Variants in ZBTB16 observed in about 807,000 individuals in gnomAD.
ZBTB16 encodes zinc finger and BTB domain-containing protein 16.
Under a neutral mutation model 56.8 loss-of-function variants are expected in ZBTB16, and 8 were observed. That is an observed-to-expected ratio of 0.14 (90% CI 0.08 to 0.25). The LOEUF (loss-of-function observed/expected upper bound fraction) is 0.25. ZBTB16 is among the 10% of genes least tolerant of loss of function. ZBTB16 has a pLI of 1.00. For synonymous variants in ZBTB16, 363 were observed against 368.5 expected, an observed-to-expected ratio of 0.98 and a Z score of 0.17; for missense variants, 625 against 903.0, an observed-to-expected ratio of 0.69 and a Z score of 3.95.
At chr11:114,207,608 C>G (rs1225113774) in intron 4 of ZBTB16, among the ~76,000 whole-genome samples, 3 of 151,848 alleles carry the variant, frequency 2.0e-5, no homozygotes, top group Admixed American at 1.3e-4. Context: ...CACACACACA[C>G]ACACACACAC....
intron 4 of ZBTB16, among the ~76,000 whole-genome samples, chr11:114,227,692 C>G (rs1253575118): frequency 6.6e-6 from 1 of 152,080 alleles, no homozygotes; most frequent in African/African-American, 2.4e-5. Flanking sequence ...TTGCAAGGCC[C>G]CATACTCCCT....
chr11:114,114,904 A>G (rs2137788798), intron 2 of ZBTB16, among the ~76,000 whole-genome samples: 1 of 152,094 alleles, frequency 6.6e-6, no homozygotes, highest in East Asian at 1.9e-4. Flanking sequence ...GCTGGTCTCG[A>G]ACTCCTGAGT....
chr11:114,116,136 T>C (rs1941167031), intron 2 of ZBTB16, among the ~76,000 whole-genome samples: 1 of 152,206 alleles, frequency 6.6e-6, no homozygotes, highest in African/African-American at 2.4e-5. Flanking sequence ...GAAATAAGAA[T>C]ATGGGTACAT....
intron 2 of ZBTB16, among the ~76,000 whole-genome samples, chr11:114,144,177 GACAC>G (rs56679355): frequency 0.051 from 7,367 of 144,968 alleles, 215 homozygotes; most frequent in African/African-American, 0.078. Context: ...GTGTTTGCCA[GACAC>G]ACACACACAC....
chr11:114,223,894 A>G (rs567501108), intron 4 of ZBTB16, among the ~76,000 whole-genome samples: 1 of 152,320 alleles, frequency 6.6e-6, no homozygotes, highest in Non-Finnish European at 1.5e-5. Context: ...GAGTCAAGGT[A>G]GGTAAATGTC....
rs377093990 is a variant in ZBTB16, at chr11:114,252,780, C to G, written c.*2225C>G. 2.3e-4 allele frequency among the ~76,000 whole-genome samples: 35 copies of G among 152,158 alleles called. No individual in the cohort carries two copies. The highest frequency in any genetic ancestry group is 3.4e-3 in the Middle Eastern group (1 of 294). ...GAGGGATGGGTGCTGCTGCGACGAC[C>G]CCCCCGTCCCTCGGCCCCAGCCCTC... On this transcript the variant is annotated 3_prime_UTR_variant, in exon 7 of 7. Transcript: ENST00000335953.
chr11:114,174,645 A>G (rs2135021665), intron 3 of ZBTB16, among the ~76,000 whole-genome samples: 1 of 152,344 alleles, frequency 6.6e-6, no homozygotes, highest in African/African-American at 2.4e-5. Context: ...TCTCTAGGTA[A>G]TATTTCAACA....
chr11:114,160,743 G>A (rs1283418837), intron 3 of ZBTB16, among the ~76,000 whole-genome samples: 2 of 152,218 alleles, frequency 1.3e-5, no homozygotes, highest in East Asian at 3.9e-4. Context: ...GTGTTTATGG[G>A]CTATACCTGA....
At chr11:114,217,178 G>A (rs1944122907) in intron 4 of ZBTB16, among the ~76,000 whole-genome samples, 1 of 152,204 alleles carries the variant, frequency 6.6e-6, no homozygotes, top group Admixed American at 6.5e-5. Flanking sequence ...TGGAGGCATA[G>A]GCAAGCCCAG....
At chr11:114,167,726 C>G (rs1942829025) in intron 3 of ZBTB16, among the ~76,000 whole-genome samples, 1 of 152,084 alleles carries the variant, frequency 6.6e-6, no homozygotes, top group African/African-American at 2.4e-5. Flanking sequence ...ATTCTTTTAT[C>G]ATCCCGGCAA....
intron 2 of ZBTB16, among the ~76,000 whole-genome samples, chr11:114,094,254 G>T (rs964669274): frequency 6.6e-6 from 1 of 152,160 alleles, no homozygotes; most frequent in African/African-American, 2.4e-5. Context: ...GGCAGAGTTT[G>T]CAGTGAGCTG....
At chr11:114,076,268 T>C (rs182475910) in intron 2 of ZBTB16, among the ~76,000 whole-genome samples, 74 of 152,248 alleles carry the variant, frequency 4.9e-4, no homozygotes, top group African/African-American at 1.7e-3. Context: ...TAAGTTCTTA[T>C]CTGATTGCGG....
intron 2 of ZBTB16, among the ~76,000 whole-genome samples, chr11:114,070,030 A>G (rs550892081): frequency 1.1e-4 from 17 of 150,236 alleles, no homozygotes; most frequent in Admixed American, 2.6e-4. Context: ...AATGTGTTTG[A>G]TTACAGAGTG....
In ZBTB16 at chr11:114,064,261, G is replaced by A. The variant is rs903894808; in HGVS notation, c.961G>A (p.Glu321Lys). 6.2e-7 allele frequency: 1 copy of A among 1,613,902 alleles called. No homozygotes were observed. The highest frequency in any genetic ancestry group is 8.5e-7 in the Non-Finnish European group (1 of 1,180,044). The change falls in exon 2 of 7, where the codon GAG becomes AAG. Residue 321 changes from glutamate to lysine, a missense_variant. Around this residue, in one of 6 missense-constraint regions of ZBTB16, gnomAD observed 384 missense variants for 393.5 expected, o/e 0.98. Transcript: ENST00000335953. This position sits in a 1 kb window ranked among gnomAD's most constrained non-coding sequence, Gnocchi z 4.2. ...EAGQAPTGRP[E>K]HPAPPPEKHL... ...TGGCCAGGCCCCCACTGGCCGACCT[G>A]AGCACCCAGCACCCCCGCCTGAGAA...
At chr11:114,104,067 A>G (rs1940705126) in intron 2 of ZBTB16, among the ~76,000 whole-genome samples, 2 of 152,176 alleles carry the variant, frequency 1.3e-5, no homozygotes, top group African/African-American at 4.8e-5. Flanking sequence ...AAAGGTGAAT[A>G]GGGAAGGGAG....
intron 3 of ZBTB16, among the ~76,000 whole-genome samples, chr11:114,169,101 G>C (rs1020809226): frequency 6.6e-6 from 1 of 152,124 alleles, no homozygotes; most frequent in Admixed American, 6.5e-5. Context: ...AGGGGTAGGA[G>C]GAGAGAGCTG....
intron 2 of ZBTB16, among the ~76,000 whole-genome samples, chr11:114,094,131 C>A (rs200397048): frequency 2.6e-5 from 4 of 152,024 alleles, no homozygotes; most frequent in Non-Finnish European, 5.9e-5. Context: ...CTGGCTAACA[C>A]GGTGAAAGCC....
intron 4 of ZBTB16, among the ~76,000 whole-genome samples, chr11:114,198,433 G>C (rs1329649871): frequency 1.3e-5 from 2 of 152,120 alleles, no homozygotes; most frequent in Non-Finnish European, 2.9e-5. Flanking sequence ...TGCTGGAGCT[G>C]CTTGCTGTAG....
At chr11:114,085,625 A>C (rs1052170790) in intron 2 of ZBTB16, among the ~76,000 whole-genome samples, 2 of 152,160 alleles carry the variant, frequency 1.3e-5, no homozygotes, top group Admixed American at 1.3e-4. Context: ...GGAGGGCTTC[A>C]TGGAGGAGGT....
Sources: gnomAD v4.1 joint callset for allele counts (sites outside exome capture counted in the v4.1 genomes callset) on GRCh38, gnomAD v4.1.1 for gene constraint, gnomAD v4.1.1 regional missense constraint, Gnocchi (gnomAD v3.1) non-coding constraint, MANE v1.5 for transcripts, NCBI Gene and HGNC (gene_info 2026-07-23, HGNC 2026-07-21) for gene names.